Variants in EIF3J observed in about 807,000 individuals in gnomAD.
The protein encoded by EIF3J is eukaryotic translation initiation factor 3 subunit J.
Under a neutral mutation model 39.0 loss-of-function variants are expected in EIF3J, and 15 were observed. The ratio of observed to expected loss-of-function variants is 0.38; its 90% CI spans 0.26 to 0.59. The LOEUF (loss-of-function observed/expected upper bound fraction) is 0.59. Ranked by LOEUF, EIF3J falls within the 20% of genes least tolerant of loss-of-function variation. The probability of loss-of-function intolerance (pLI) is 0.60; values close to 1 mark genes in which losing one functional copy is unlikely to be tolerated. For synonymous variants in EIF3J, 98 were observed against 112.9 expected (o/e 0.87, Z 0.84); for missense variants, 226 against 308.6 (o/e 0.73, Z 2.00).
At chr15:44,538,573 C>G (rs1160173865) in intron 2 of EIF3J, among the ~76,000 whole-genome samples, 1 of 152,124 alleles carries the variant, frequency 6.6e-6, no homozygotes, top group African/African-American at 2.4e-5. Context: ...TCTCCCCAGT[C>G]CGATGAGGTT....
At chr15:44,557,073 GCTTC>G (rs1439211329) in intron 5 of EIF3J, among the ~76,000 whole-genome samples, 1 of 152,144 alleles carries the variant, frequency 6.6e-6, no homozygotes, top group African/African-American at 2.4e-5. Flanking sequence ...AGAATTATAT[GCTTC>G]CTTATCGATG....
intron 2 of EIF3J, among the ~76,000 whole-genome samples, chr15:44,542,483 T>C (rs1226960729): frequency 1.3e-5 from 2 of 152,248 alleles, no homozygotes; most frequent in African/African-American, 4.8e-5. Context: ...TTTGACAATC[T>C]ATAAATACAT....
chr15:44,547,437 A>ACTCTTTT (rs1437942257), intron 2 of EIF3J, among the ~76,000 whole-genome samples: 7 of 118,492 alleles, frequency 5.9e-5, no homozygotes, highest in East Asian at 2.9e-4. Flanking sequence ...GCCGGCCTTG[A>ACTCTTTT]TTCTTTTTTT....
intron 4 of EIF3J, among the ~76,000 whole-genome samples, chr15:44,551,975 G>A (rs1172988468): frequency 2.0e-5 from 3 of 151,744 alleles, no homozygotes; most frequent in Non-Finnish European, 4.4e-5. Context: ...GACTACAGGA[G>A]CCACGGCGAG....
At position 44,555,217 on chromosome 15, in the gene EIF3J, T is replaced by C. The variant is rs3784568; in HGVS notation, c.409+550T>C. The stretch of plus-strand genomic sequence containing the variant: ...AGATAAAAGTGCAGGATCCTATAAA[T>C]AGATAAATTCAGAGTGTTCCAGAGT... On this transcript the variant is annotated intron_variant, in intron 5 of 7. Coordinates refer to ENST00000261868, the MANE Select transcript of EIF3J (RefSeq NM_003758.4). 6.0e-3 allele frequency among the ~76,000 whole-genome samples: 917 copies of C among 152,296 alleles called. 25 individuals carry two copies. The East Asian group carries it at 0.087, about 14-fold the overall frequency.
chr15:44,553,639 T>C (rs1291119847), intron 4 of EIF3J, among the ~76,000 whole-genome samples: 1 of 152,256 alleles, frequency 6.6e-6, no homozygotes, highest in East Asian at 1.9e-4. Context: ...GTGGTAATTT[T>C]ATAATTATAC....
chr15:44,551,885 A>G (rs1423320046), intron 4 of EIF3J, among the ~76,000 whole-genome samples: 2 of 151,190 alleles, frequency 1.3e-5, no homozygotes, highest in African/African-American at 2.4e-5. Context: ...GCTGGAGTAC[A>G]GTGGCACAAT....
chr15:44,544,916 A>G (rs1233257324), intron 2 of EIF3J, among the ~76,000 whole-genome samples: 5 of 151,704 alleles, frequency 3.3e-5, no homozygotes, highest in Non-Finnish European at 7.4e-5. Context: ...AGGCAGGAAA[A>G]TTGCTTGAAC....
chr15:44,549,558 A>C (rs2082081551), intron 2 of EIF3J, among the ~76,000 whole-genome samples: 1 of 151,932 alleles, frequency 6.6e-6, no homozygotes, highest in Non-Finnish European at 1.5e-5. Flanking sequence ...TCATGAGATC[A>C]GGAGTTCGAG....
chr15:44,551,840 T>C lies in EIF3J; in HGVS notation c.294+318T>C, dbSNP rs184134920. ...AGTTTTTGTTGTTGTTTTTTGTTTT[T>C]TTTTTTTGGAGACGGAGTCTTGCTC... On this transcript the variant is annotated intron_variant, in intron 4 of 7. Coordinates refer to ENST00000261868, the MANE Select transcript of EIF3J (RefSeq NM_003758.4). Among the ~76,000 whole-genome samples, 4 of 148,362 alleles carry C rather than the reference T, an allele frequency of 2.7e-5. No individual in the cohort carries two copies. In the East Asian group the frequency reaches 7.7e-4, roughly 29 times the overall value.
At chr15:44,560,605 G>A (rs2082183643) in intron 7 of EIF3J, 1 of 384,530 alleles carries the variant, frequency 2.6e-6, no homozygotes, top group Non-Finnish European at 4.7e-6. Context: ...CTAAGCTTCA[G>A]TCTTCTCCCT....
chr15:44,557,405 T>C (rs1312713691), intron 5 of EIF3J, 84 bp from the exon 6 acceptor site: 5 of 1,055,800 alleles, frequency 4.7e-6, no homozygotes, highest in Non-Finnish European at 5.2e-6. Flanking sequence ...GACAGGGTTA[T>C]TCAGATAGCT....
In EIF3J at chr15:44,557,470, T is replaced by C. The variant is rs770060893; in HGVS notation, c.410-19T>C. 5 of 1,490,510 alleles carry C rather than the reference T, an allele frequency of 3.4e-6. No homozygotes were observed. The highest frequency in any genetic ancestry group is 4.4e-6 in the Non-Finnish European group (5 of 1,123,770). The allele number at this position is 1,490,510 out of a possible 1,614,324, so 92.3% of individuals were successfully genotyped here. A position where few individuals can be genotyped will look rare whatever the true frequency, so the allele number is the denominator to read the frequency against. The stretch of plus-strand genomic sequence containing the variant: ...ATCCTAACCTCCTGATACTTTTCAG[T>C]GCTTCTTTTCTCCTACAGGTGTTAA... On this transcript the variant is annotated intron_variant, in intron 5 of 7. Transcript: ENST00000261868.
chr15:44,542,619 G>A (rs905525030), intron 2 of EIF3J, among the ~76,000 whole-genome samples: 15 of 152,142 alleles, frequency 9.9e-5, no homozygotes, highest in African/African-American at 3.6e-4. Context: ...TAAAAAGAAA[G>A]CAAGATATAA....
chr15:44,557,159 T>G (rs551861457), intron 5 of EIF3J, among the ~76,000 whole-genome samples: 1 of 152,256 alleles, frequency 6.6e-6, no homozygotes, highest in African/African-American at 2.4e-5. Context: ...ATATTAATAT[T>G]GTAAGATATC....
Position 44,547,075 on chromosome 15 carries a change from C to T in EIF3J, c.148-3801C>T, listed in dbSNP as rs570416170. On this transcript the variant is annotated intron_variant, in intron 2 of 7. Coordinates refer to ENST00000261868, the MANE Select transcript of EIF3J (RefSeq NM_003758.4). The stretch of plus-strand genomic sequence containing the variant: ...CTGGTCTCAAGTGATCTGCCTGCCT[C>T]GGCCTCCCAAAGTGCTGGGATTAAA... Among the ~76,000 whole-genome samples, 87 of 151,102 alleles carry T rather than the reference C, an allele frequency of 5.8e-4. 1 individual carries two copies. The South Asian group carries it at 0.018, about 31-fold the overall frequency.
chr15:44,546,521 T>C (rs2082053936), intron 2 of EIF3J, among the ~76,000 whole-genome samples: 1 of 152,236 alleles, frequency 6.6e-6, no homozygotes, highest in Non-Finnish European at 1.5e-5. Flanking sequence ...TGTCATATTG[T>C]GGCATATTAG....
chr15:44,562,318 C>G lies in EIF3J; in HGVS notation c.*1169C>G, dbSNP rs1348667631. ...TTATTTTGTTATTTAGATACCAAGG[C>G]CTAATTAATTAAGTACCTATAAGAA... On this transcript the variant is annotated 3_prime_UTR_variant, in exon 8 of 8. Transcript: ENST00000261868. The G allele has an allele frequency of 1.3e-5, 2 of 152,494 alleles. No homozygotes were observed. The highest frequency in any genetic ancestry group is 4.8e-5 in the African/African-American group (2 of 41,408). 9.4% of individuals were successfully genotyped at this position (152,494 alleles called of 1,614,324 possible).
At chr15:44,550,768 TACAAAAAAATACCA>T in intron 2 of EIF3J, 94 bp from the exon 3 acceptor site, 1 of 780,210 alleles carries the variant, frequency 1.3e-6, no homozygotes, top group South Asian at 1.7e-5. Flanking sequence ...TTTAATGCAG[TACAAAAAAATACCA>T]ACAAACATTT....
Sources: allele counts gnomAD v4.1 joint callset (sites outside exome capture counted in the v4.1 genomes callset), GRCh38; gene constraint gnomAD v4.1.1; transcripts MANE v1.5; gene names NCBI Gene and HGNC (gene_info 2026-07-23, HGNC 2026-07-21).